ADK: variants seen among roughly 807,000 people sequenced by gnomAD.
ADK encodes the protein N6,N6-dimethyladenosine kinase.
In ADK, 24 loss-of-function variants were observed where a neutral mutation model predicts 44.7. The ratio of observed to expected loss-of-function variants is 0.54; its 90% CI spans 0.39 to 0.76. The LOEUF (loss-of-function observed/expected upper bound fraction) is 0.76, where lower values mean the gene tolerates loss of function less well. Ranked by LOEUF, ADK falls within the 30% of genes least tolerant of loss-of-function variation. ADK has a pLI of 0.00. For synonymous variants in ADK, 128 were observed against 142.6 expected (o/e 0.90, Z 0.73); for missense variants, 321 against 425.1 (o/e 0.76, Z 2.15).
chr10:74,219,547 G>C (rs1169539153), intron 2 of ADK, among the ~76,000 whole-genome samples: 28 of 152,080 alleles, frequency 1.8e-4, no homozygotes, highest in African/African-American at 6.5e-4. Flanking sequence ...ACTCTCCACC[G>C]CAAATCAATA....
At chr10:74,451,032 G>A (rs1005083415) in intron 6 of ADK, among the ~76,000 whole-genome samples, 1 of 118,154 alleles carries the variant, frequency 8.5e-6, no homozygotes, top group African/African-American at 3.3e-5. Context: ...TGGTTTTCAT[G>A]CTTTTAAAAT....
intron 6 of ADK, among the ~76,000 whole-genome samples, chr10:74,431,166 A>G (rs913280807): frequency 6.6e-6 from 1 of 151,690 alleles, no homozygotes; most frequent in Admixed American, 6.6e-5. Context: ...GATTCTAGAT[A>G]TGTTTTGAAG....
At chr10:74,354,644 G>A (rs999084223) in intron 4 of ADK, among the ~76,000 whole-genome samples, 4 of 152,104 alleles carry the variant, frequency 2.6e-5, no homozygotes, top group African/African-American at 9.7e-5. Flanking sequence ...CACCAGGTTT[G>A]GTGGGAACTC....
chr10:74,702,583 T>TTC, intron 10 of ADK, among the ~76,000 whole-genome samples: 1 of 86,630 alleles, frequency 1.2e-5, no homozygotes, highest in Admixed American at 1.3e-4. Flanking sequence ...TCTCTCTCTC[T>TTC]CTGGTCTCTT....
At chr10:74,168,661 G>A (rs575108665) in intron 1 of ADK, among the ~76,000 whole-genome samples, 1 of 151,694 alleles carries the variant, frequency 6.6e-6, no homozygotes, top group South Asian at 2.1e-4. Flanking sequence ...CGCCCAGGCT[G>A]TAGTGCAGTG....
At chr10:74,287,359 G>T (rs1370141093) in intron 3 of ADK, among the ~76,000 whole-genome samples, 1 of 152,012 alleles carries the variant, frequency 6.6e-6, no homozygotes, top group Non-Finnish European at 1.5e-5. Flanking sequence ...AGCTACTCAG[G>T]AGGCTGAGGC....
chr10:74,554,712 C>T (rs941108750), intron 7 of ADK, among the ~76,000 whole-genome samples: 45 of 150,174 alleles, frequency 3.0e-4, no homozygotes, highest in African/African-American at 1.1e-3. Context: ...TGGGAGGCCA[C>T]GGCAGATGGA....
intron 9 of ADK, among the ~76,000 whole-genome samples, chr10:74,622,847 AAAATAC>A (rs1174261098): frequency 1.3e-5 from 2 of 152,282 alleles, no homozygotes; most frequent in Middle Eastern, 3.4e-3. Flanking sequence ...GTCTCTACTA[AAAATAC>A]AAAATAAGCC....
intron 2 of ADK, among the ~76,000 whole-genome samples, chr10:74,220,682 G>T (rs966950886): frequency 6.6e-6 from 1 of 152,072 alleles, no homozygotes; most frequent in Admixed American, 6.5e-5. Context: ...ATGATCAAGT[G>T]GGCTTCATCC....
intron 9 of ADK, chr10:74,661,379 C>A: frequency 1.6e-6 from 1 of 630,652 alleles, no homozygotes; most frequent in Middle Eastern, 8.1e-4. Context: ...CTGCCTTTGC[C>A]ATGGGACTCT....
intron 6 of ADK, among the ~76,000 whole-genome samples, chr10:74,473,965 C>T (rs1297843693): frequency 6.6e-6 from 1 of 152,048 alleles, no homozygotes; most frequent in African/African-American, 2.4e-5. Context: ...TAAAGTTTTA[C>T]CCACTGATTT....
chr10:74,228,187 G>A (rs1237860100), intron 3 of ADK, among the ~76,000 whole-genome samples: 1 of 152,176 alleles, frequency 6.6e-6, no homozygotes, highest in Non-Finnish European at 1.5e-5. Flanking sequence ...TTCTCTGTCT[G>A]AGGAAGATTG....
At chr10:74,353,311 A>G (rs942432034) in intron 4 of ADK, among the ~76,000 whole-genome samples, 1 of 152,162 alleles carries the variant, frequency 6.6e-6, no homozygotes, top group Non-Finnish European at 1.5e-5. Context: ...ACAGAAACAG[A>G]AAACCAAACA....
At chr10:74,196,685 C>T (rs1843166740) in intron 1 of ADK, among the ~76,000 whole-genome samples, 1 of 152,132 alleles carries the variant, frequency 6.6e-6, no homozygotes, top group Admixed American at 6.5e-5. Context: ...TAAAAACCAG[C>T]CTCAAATGGA....
chr10:74,619,011 T>TG (rs1491303344), intron 9 of ADK, among the ~76,000 whole-genome samples: 9 of 125,058 alleles, frequency 7.2e-5, no homozygotes, highest in African/African-American at 1.6e-4. Flanking sequence ...TTTTATGCTC[T>TG]TTGTGTGTGT....
intron 6 of ADK, among the ~76,000 whole-genome samples, chr10:74,465,346 A>G (rs951651721): frequency 2.0e-5 from 3 of 152,214 alleles, no homozygotes; most frequent in Non-Finnish European, 4.4e-5. Flanking sequence ...AGTAGGAGAT[A>G]TAATTACACT....
chr10:74,473,719 A>G (rs1422304349), intron 6 of ADK, among the ~76,000 whole-genome samples: 1 of 152,200 alleles, frequency 6.6e-6, no homozygotes, highest in East Asian at 1.9e-4. Context: ...GTTAGTGTGA[A>G]CCTTGAACAT....
chr10:74,614,823 A>G (rs576703749), intron 9 of ADK, among the ~76,000 whole-genome samples: 1 of 152,338 alleles, frequency 6.6e-6, no homozygotes, highest in African/African-American at 2.4e-5. Context: ...ACTGTGCTCT[A>G]GATATGCTCT....
At chr10:74,544,519 A>G (rs1849756884) in intron 7 of ADK, among the ~76,000 whole-genome samples, 1 of 152,240 alleles carries the variant, frequency 6.6e-6, no homozygotes, top group Admixed American at 6.5e-5. Context: ...GAGGTGGTGC[A>G]GAATCATGTG....
Sources: gnomAD v4.1 joint callset for allele counts (sites outside exome capture counted in the v4.1 genomes callset) on GRCh38, gnomAD v4.1.1 for gene constraint, MANE v1.5 for transcripts, NCBI Gene and HGNC (gene_info 2026-07-23, HGNC 2026-07-21) for gene names.